WEE2: variants seen among roughly 807,000 people sequenced by gnomAD.
WEE2 encodes WEE2 oocyte meiosis inhibiting kinase.
A neutral mutation model predicts 60.1 loss-of-function variants in WEE2; 50 were observed. That is an observed-to-expected ratio of 0.83 (90% CI 0.66 to 1.05). The LOEUF is 1.05. Among genes scored for constraint, WEE2 ranks in the 50% least tolerant of loss-of-function variants. WEE2 has a pLI of 0.00. For missense variants in WEE2, 631 were observed against 684.3 expected (o/e 0.92, Z 0.87); for synonymous variants, 240 against 241.0 (o/e 1.00, Z 0.04).
rs761551942 is a variant in WEE2 at position 141,724,021 on chromosome 7, C to T, written c.1108C>T (p.Leu370Phe). ...EEVENEADWF[L>F]SANVMYKIGD... is the part of the protein sequence containing the mutation. ...AGTTGAAAATGAAGCTGATTGGTTT[C>T]TCTCTGCCAATGTGATGTATAAAAT... Residue 370 changes from leucine (L) to phenylalanine (F), a missense_variant, in exon 7 of 12, where the codon CTC (leucine) becomes TTC (phenylalanine). Coordinates refer to ENST00000397541, the MANE Select transcript of WEE2 (RefSeq NM_001105558.1). The T allele has an allele frequency of 5.6e-6, 9 of 1,613,384 alleles. No homozygotes were observed. In the South Asian group the frequency reaches 6.6e-5, roughly 12 times the overall value.
chr7:141,719,047 T>G lies in WEE2; in HGVS notation c.586-25T>G, dbSNP rs1798856382. The G allele has an allele frequency of 6.2e-6, 10 of 1,605,708 alleles. No homozygotes were observed. In the Admixed American group the frequency reaches 1.4e-4, roughly 22 times the overall value. On this transcript the variant is annotated intron_variant, in intron 3 of 11. Coordinates refer to ENST00000397541, the MANE Select transcript of WEE2 (RefSeq NM_001105558.1). ...TTACAACATGGTAGAATTACTCTAA[T>G]TTCCTTTTTATTAAAATACTTTAGA...
At chr7:141,727,755 C>T in intron 10 of WEE2, 2 of 304,648 alleles carry the variant, frequency 6.6e-6, no homozygotes, top group Non-Finnish European at 1.2e-5. Flanking sequence ...ATCTTAGTAA[C>T]TGGTTGGTGA....
At chr7:141,717,046 C>T (rs6964456) in intron 3 of WEE2, among the ~76,000 whole-genome samples, 82,096 of 151,986 alleles carry the variant, frequency 0.54, 22,829 homozygotes, top group African/African-American at 0.68. Context: ...CAGTGAAATA[C>T]TAAATTGCCA....
At chr7:141,727,544 A>G in intron 10 of WEE2, 98 bp downstream of exon 10, 1 of 1,461,090 alleles carries the variant, frequency 6.8e-7, no homozygotes, top group Non-Finnish European at 9.3e-7. Context: ...TCAAGTATAA[A>G]TATATTCACC....
In WEE2 at chr7:141,725,048, C is replaced by T. The variant is rs1198384035; in HGVS notation, c.1244C>T (p.Ala415Val). The T allele has an allele frequency of 6.2e-7, 1 of 1,614,022 alleles. No homozygotes were observed. Among genetic ancestry groups the T allele is most frequent in the Admixed American group, 1.7e-5 (1 of 60,010 alleles). Reference protein sequence around the residue: ...LQEDYRHLPKADIFALGLTIA... With the variant: ...LQEDYRHLPKVDIFALGLTIA... ...AAGGATTACCGGCACCTTCCCAAAG[C>T]AGACATATTTGCCTTGGGATTAACA... The change falls in exon 9 of 12, where the codon GCA (alanine) becomes GTA (valine). Residue 415 changes from alanine to valine, a missense_variant. By Grantham distance (64) the Ala-to-Val change is moderately conservative. Transcript: ENST00000397541.
Position 141,720,538 on chromosome 7 carries a change from C to T in WEE2, c.759-397C>T, listed in dbSNP as rs193286781. Among the ~76,000 whole-genome samples the T allele has an allele frequency of 2.4e-4, 36 of 152,208 alleles. No individual in the cohort carries two copies. In the East Asian group the frequency reaches 6.0e-3, roughly 25 times the overall value. On this transcript the variant is annotated intron_variant, in intron 4 of 11. Coordinates refer to ENST00000397541, the MANE Select transcript of WEE2 (RefSeq NM_001105558.1). ...ACAATCTGGTGTACAGTGGCCTTCT[C>T]GTTAAGCCCATTAAAATGTTTTGAT...
At chr7:141,714,520 T>A in intron 2 of WEE2, 115 bp downstream of exon 2, 5 of 728,870 alleles carry the variant, frequency 6.9e-6, no homozygotes, top group Non-Finnish European at 1.1e-5. Context: ...GAAATGTATA[T>A]GCTTACATAT....
At chr7:141,727,558 A>G in intron 10 of WEE2, 112 bp downstream of exon 10, 2 of 1,371,642 alleles carry the variant, frequency 1.5e-6, no homozygotes, top group Non-Finnish European at 2.0e-6. Flanking sequence ...ATTCACCATT[A>G]TAATACATAG....
intron 1 of WEE2, among the ~76,000 whole-genome samples, chr7:141,710,780 C>A (rs931749205): frequency 6.6e-6 from 1 of 152,090 alleles, no homozygotes; most frequent in African/African-American, 2.4e-5. Context: ...TTCAGTGTGA[C>A]GGGCCTGTGT....
chr7:141,708,625 G>A lies in WEE2; in HGVS notation c.-134G>A, dbSNP rs770577459. The A allele has an allele frequency of 1.1e-5, 8 of 719,210 alleles. No homozygotes were observed. Among genetic ancestry groups the A allele is most frequent in the Non-Finnish European group, 1.9e-5 (8 of 423,560 alleles). The allele number at this position is 719,210 out of a possible 1,614,324, so 44.6% of individuals were successfully genotyped here. On this transcript the variant is annotated 5_prime_UTR_variant, in exon 1 of 12. Coordinates refer to ENST00000397541, the MANE Select transcript of WEE2 (RefSeq NM_001105558.1). The stretch of plus-strand genomic sequence containing the variant: ...TTAACACCGTGTTTTGTAGCTGTTA[G>A]TTGGTAGAGGGAAATTCAGGCTACC...
intron 3 of WEE2, among the ~76,000 whole-genome samples, chr7:141,718,321 C>T (rs2117111566): frequency 6.6e-6 from 1 of 152,144 alleles, no homozygotes; most frequent in East Asian, 1.9e-4. Context: ...TTACTATGTA[C>T]TTGACACTAT....
rs76063651 is a variant in WEE2 at position 141,719,370 on chromosome 7, T to A, written c.758+126T>A. The A allele has an allele frequency of 3.9e-3, 3,470 of 892,282 alleles. 86 individuals carry two copies. In the African/African-American group the frequency reaches 0.053, roughly 14 times the overall value. 55.3% of individuals were successfully genotyped at this position (892,282 alleles called of 1,614,324 possible). ...TTTGTGTTTTAAAATCACCCCACATTATATGTTATCTCATATTCATAACCT... is the reference window on the plus strand; with the variant it reads ...TTTGTGTTTTAAAATCACCCCACATAATATGTTATCTCATATTCATAACCT... On this transcript the variant is annotated intron_variant, in intron 4 of 11. Coordinates refer to ENST00000397541, the MANE Select transcript of WEE2 (RefSeq NM_001105558.1).
chr7:141,723,042 A>G, intron 5 of WEE2, 92 bp from the exon 6 acceptor site: 1 of 1,523,228 alleles, frequency 6.6e-7, no homozygotes, highest in Non-Finnish European at 8.9e-7. Context: ...CCTGGAACTA[A>G]TACCCTGAAG....
At chr7:141,717,372 A>G (rs1454503741) in intron 3 of WEE2, among the ~76,000 whole-genome samples, 4 of 152,226 alleles carry the variant, frequency 2.6e-5, no homozygotes, top group Non-Finnish European at 4.4e-5. Context: ...TGTTCCTTCA[A>G]ATGCAAATGT....
rs770597791 is a variant in WEE2, at chr7:141,724,269, G to A, written c.1215G>A (p.Leu405=). Residue 405 remains leucine, a synonymous_variant, in exon 8 of 12, where the codon TTG becomes TTA. Coordinates refer to ENST00000397541, the MANE Select transcript of WEE2 (RefSeq NM_001105558.1). The stretch of plus-strand genomic sequence containing the variant: ...GTCGCTTCCTGGCTAATGAGATTTT[G>A]CAAGAGGTATAGATTAGGGAAATGG... The part of the protein sequence containing the change: ...GDSRFLANEI[L]QEDYRHLPKA... 2 of 1,613,160 alleles carry A rather than the reference G, an allele frequency of 1.2e-6. No individual in the cohort carries two copies. Among genetic ancestry groups the A allele is most frequent in the South Asian group, 2.2e-5 (2 of 90,830 alleles).
At chr7:141,710,626 A>G (rs1798695026) in intron 1 of WEE2, among the ~76,000 whole-genome samples, 1 of 152,236 alleles carries the variant, frequency 6.6e-6, no homozygotes, top group South Asian at 2.1e-4. Flanking sequence ...AAGACTTTCC[A>G]AAGAAAGTAA....
chr7:141,709,291 G>A (rs902402383), intron 1 of WEE2, among the ~76,000 whole-genome samples, 191 bp downstream of exon 1: 1 of 152,206 alleles, frequency 6.6e-6, no homozygotes, highest in Non-Finnish European at 1.5e-5. Context: ...TGGTTTGCCA[G>A]TTGTCTTCTC....
intron 3 of WEE2, 112 bp downstream of exon 3, chr7:141,716,379 C>T (rs1798797421): frequency 2.9e-6 from 3 of 1,023,750 alleles, no homozygotes; most frequent in South Asian, 1.5e-5. Context: ...TCTTCCCTAC[C>T]CTCCCTTTTC....
chr7:141,717,187 A>G (rs1798819004), intron 3 of WEE2, among the ~76,000 whole-genome samples: 2 of 152,252 alleles, frequency 1.3e-5, no homozygotes, highest in Non-Finnish European at 2.9e-5. Flanking sequence ...AAATGGAGCT[A>G]TAACCACTGC....
Sources: allele counts gnomAD v4.1 joint callset (sites outside exome capture counted in the v4.1 genomes callset), GRCh38; gene constraint gnomAD v4.1.1; transcripts MANE v1.5; gene names NCBI Gene and HGNC (gene_info 2026-07-23, HGNC 2026-07-21).